The following NFATC1 variants were observed in gnomAD, a reference collection of about 807,000 sequenced individuals.
NFATC1 encodes nuclear factor of activated T-cells, cytoplasmic 1.
In NFATC1, 22 loss-of-function variants were observed where a neutral mutation model predicts 76.0. The ratio of observed to expected loss-of-function variants is 0.29; its 90% CI spans 0.21 to 0.41. The LOEUF (loss-of-function observed/expected upper bound fraction) is 0.41. NFATC1 is among the 10% of genes least tolerant of loss of function. The pLI is 1.00. For synonymous variants in NFATC1, 704 were observed against 613.1 expected (o/e 1.15, Z -2.19); for missense variants, 1,357 against 1,337.7 (o/e 1.01, Z -0.23).
intron 7 of NFATC1, among the ~76,000 whole-genome samples, chr18:79,464,102 GTTTTTTT>G (rs905559830): frequency 6.6e-6 from 1 of 152,076 alleles, no homozygotes; most frequent in African/African-American, 2.4e-5. Context: ...TTTGTTTTTT[GTTTTTTT>G]GAGACAGTCT....
Position 79,396,331 on chromosome 18 carries a change from C to T in NFATC1, c.107C>T (p.Thr36Ile). The T allele has an allele frequency of 1.4e-6, 2 of 1,404,982 alleles. No individual in the cohort carries two copies. The highest frequency in any genetic ancestry group is 9.4e-7 in the Non-Finnish European group (1 of 1,063,772). 87.0% of individuals were successfully genotyped at this position (1,404,982 alleles called of 1,614,324 possible). Residue 36 changes from threonine to isoleucine, a missense_variant, in exon 1 of 10, where the codon ACC (threonine) becomes ATC (isoleucine). Around this residue, in one of 3 missense-constraint regions of NFATC1, gnomAD observed 691 missense variants for 613.1 expected, o/e 1.13. Transcript: ENST00000427363. Reference protein sequence around the residue: ...TLGPAPRAGGTMKSAEEEHYG... With the variant: ...TLGPAPRAGGIMKSAEEEHYG... The stretch of plus-strand genomic sequence containing the variant: ...GGGCCCGCGCCGCGCGCCGGCGGCA[C>T]CATGAAGTCAGCGGAGGAAGGTAAG...
At chr18:79,526,161 G>T (rs527947783) in intron 9 of NFATC1, among the ~76,000 whole-genome samples, 2 of 152,342 alleles carry the variant, frequency 1.3e-5, no homozygotes, top group East Asian at 3.9e-4. Flanking sequence ...GCTGCCGTGC[G>T]CACTCTGGGA....
chr18:79,486,954 A>C lies in NFATC1; in HGVS notation c.2782+17A>C. 1 of 1,576,202 alleles carries C rather than the reference A, an allele frequency of 6.3e-7. No individual in the cohort carries two copies. The highest frequency in any genetic ancestry group is 2.3e-5 in the East Asian group (1 of 44,190). ...TGGATGACGGTGAGTGCCCGCAGCC[A>C]TGCAGGTGTGTGCCCCGCCTGGCGC... On this transcript the variant is annotated intron_variant, in intron 9 of 9. Coordinates refer to ENST00000427363, the MANE Select transcript of NFATC1 (RefSeq NM_001278669.2).
chr18:79,448,857 C>A lies in NFATC1; in HGVS notation c.1462C>A (p.Pro488Thr). The A allele has an allele frequency of 6.2e-7, 1 of 1,613,830 alleles. No homozygotes were observed. The highest frequency in any genetic ancestry group is 8.5e-7 in the Non-Finnish European group (1 of 1,180,026). ...IGTADDRLLR[P>T]HAFYQVHRIT... The stretch of plus-strand genomic sequence containing the variant: ...GACGGCGGACGACCGCCTGCTGCGC[C>A]CGCACGCCTTCTACCAGGTGCACCG... The change falls in exon 4 of 10, where the codon CCG (proline) becomes ACG (threonine). Residue 488 changes from proline to threonine, a missense_variant. Pro to Thr is a conservative substitution (Grantham distance 38, BLOSUM62 -1). Transcript: ENST00000427363.
intron 7 of NFATC1, among the ~76,000 whole-genome samples, chr18:79,461,744 C>T (rs1324060466): frequency 6.6e-6 from 1 of 152,202 alleles, no homozygotes; most frequent in Non-Finnish European, 1.5e-5. Flanking sequence ...AGAGCAGGCT[C>T]CTGGGAGTCA....
At chr18:79,448,746 T>C in intron 3 of NFATC1, 36 bp from the exon 4 acceptor site, 2 of 1,597,254 alleles carry the variant, frequency 1.3e-6, no homozygotes, top group Middle Eastern at 1.7e-4. Context: ...GTCTGTGCTC[T>C]GGGTGCTGAG....
chr18:79,442,183 C>T (rs1001258313), intron 3 of NFATC1, among the ~76,000 whole-genome samples: 8 of 152,208 alleles, frequency 5.3e-5, no homozygotes, highest in South Asian at 2.1e-4. Context: ...CAGTTCTCCA[C>T]GGCAAGCACG....
intron 8 of NFATC1, among the ~76,000 whole-genome samples, chr18:79,474,302 CATT>C (rs1193145892): frequency 1.4e-5 from 2 of 141,096 alleles, no homozygotes; most frequent in Non-Finnish European, 3.1e-5. Context: ...TCACTGTCGA[CATT>C]GTAAACCTGA....
chr18:79,413,886 C>A (rs2085785365), intron 2 of NFATC1, among the ~76,000 whole-genome samples: 1 of 152,162 alleles, frequency 6.6e-6, no homozygotes, highest in African/African-American at 2.4e-5. Context: ...ATTCCGTGCC[C>A]ACGTGACCCT....
chr18:79,502,272 C>T (rs1233547573), intron 9 of NFATC1, among the ~76,000 whole-genome samples: 3 of 152,180 alleles, frequency 2.0e-5, no homozygotes, highest in Non-Finnish European at 2.9e-5. Context: ...GCCTTTTTAA[C>T]AAGTGGTGCT....
At chr18:79,446,974 C>T (rs1388425868) in intron 3 of NFATC1, among the ~76,000 whole-genome samples, 2 of 152,240 alleles carry the variant, frequency 1.3e-5, no homozygotes, top group African/African-American at 4.8e-5. Context: ...CCTCACGCGG[C>T]GTCCCAGTCC....
chr18:79,435,074 G>A (rs767369337), intron 3 of NFATC1, among the ~76,000 whole-genome samples: 2 of 152,212 alleles, frequency 1.3e-5, no homozygotes, highest in African/African-American at 4.8e-5. Flanking sequence ...GGTTTTTACT[G>A]ACCGAAAGCT....
intron 6 of NFATC1, among the ~76,000 whole-genome samples, chr18:79,454,452 T>C (rs2087600421): frequency 6.6e-6 from 1 of 152,134 alleles, no homozygotes; most frequent in Non-Finnish European, 1.5e-5. Flanking sequence ...GTTGGCCTCA[T>C]GAGGAAGGGA....
intron 9 of NFATC1, among the ~76,000 whole-genome samples, chr18:79,502,143 T>C (rs767145898): frequency 1.3e-5 from 2 of 152,230 alleles, no homozygotes; most frequent in Non-Finnish European, 2.9e-5. Context: ...CAGTGTGGTA[T>C]TGGCATAGGA....
At chr18:79,522,374 GT>G (rs60018498) in intron 9 of NFATC1, among the ~76,000 whole-genome samples, 106 of 58,140 alleles carry the variant, frequency 1.8e-3, no homozygotes, top group African/African-American at 8.1e-3. Flanking sequence ...GTCTCTGTGT[GT>G]GTGGGGGGGG....
Position 79,416,985 on chromosome 18 carries a change from G to A in NFATC1, c.1226+5484G>A, listed in dbSNP as rs188521922. Among the ~76,000 whole-genome samples, 400 of 152,300 alleles carry A rather than the reference G, an allele frequency of 2.6e-3. 1 individual carries two copies. Among genetic ancestry groups the A allele is most frequent in the African/African-American group, 9.2e-3 (381 of 41,558 alleles). ...CTGAAGGGTCTTGAAGAACGTGGCT[G>A]TGTGCCTCCCTGGCATTCGCGGTGG... On this transcript the variant is annotated intron_variant, in intron 2 of 9. Transcript: ENST00000427363.
chr18:79,484,822 G>T (rs537218130), intron 8 of NFATC1, among the ~76,000 whole-genome samples: 18 of 152,120 alleles, frequency 1.2e-4, no homozygotes, highest in Non-Finnish European at 2.5e-4. Context: ...ACTCGCGCCT[G>T]CCTTCACGAC....
At chr18:79,426,102 C>T (rs551729923) in intron 2 of NFATC1, among the ~76,000 whole-genome samples, 3 of 152,206 alleles carry the variant, frequency 2.0e-5, no homozygotes, top group South Asian at 4.2e-4. Context: ...CCCAGCTGCT[C>T]GGGAGGCTGA....
intron 6 of NFATC1, among the ~76,000 whole-genome samples, chr18:79,453,383 G>A (rs1437301521): frequency 1.3e-5 from 2 of 152,256 alleles, no homozygotes; most frequent in Non-Finnish European, 2.9e-5. Flanking sequence ...AAGTTACTGT[G>A]CTGAGTTGGT....
Sources: gnomAD v4.1 joint callset for allele counts (sites outside exome capture counted in the v4.1 genomes callset) on GRCh38, gnomAD v4.1.1 for gene constraint, gnomAD v4.1.1 regional missense constraint, MANE v1.5 for transcripts, NCBI Gene and HGNC (gene_info 2026-07-23, HGNC 2026-07-21) for gene names.